The following RNF40 variants were observed in gnomAD, a reference collection of about 807,000 sequenced individuals.
RNF40 encodes the protein ring finger protein 40.
Under a neutral mutation model 123.3 loss-of-function variants are expected in RNF40, and 39 were observed. That is an observed-to-expected ratio of 0.32 (90% CI 0.24 to 0.41). The LOEUF (loss-of-function observed/expected upper bound fraction) is 0.41. Among genes scored for constraint, RNF40 ranks in the 10% least tolerant of loss-of-function variants. The probability of loss-of-function intolerance (pLI) is 1.00; values close to 1 mark genes in which losing one functional copy is unlikely to be tolerated. For synonymous variants in RNF40, 538 were observed against 526.0 expected (o/e 1.02, Z -0.31); for missense variants, 1,003 against 1,319.9 (o/e 0.76, Z 3.72).
chr16:30,766,428 A>C lies in RNF40; in HGVS notation c.1163A>C (p.Tyr388Ser), dbSNP rs202224486. Residue 388 changes from tyrosine (Y) to serine (S), a missense_variant, in exon 10 of 20, where the codon TAC (tyrosine) becomes TCC (serine). This residue lies in a region of RNF40 where 274 missense variants were observed against 356.9 expected (regional missense o/e 0.77). Coordinates refer to ENST00000324685, the MANE Select transcript of RNF40 (RefSeq NM_014771.4). This position sits in a 1 kb window ranked among gnomAD's most constrained non-coding sequence, Gnocchi z 5.4. ...PEEVVRETGE[Y>S]RMLQAQFSLL... is the part of the protein sequence containing the mutation. ...GAGGTAGTGCGGGAGACGGGGGAGT[A>C]CCGCATGCTGCAGGCCCAATTCTCA... 6.2e-7 allele frequency: 1 copy of C among 1,613,910 alleles called. No individual in the cohort carries two copies. Among genetic ancestry groups the C allele is most frequent in the African/African-American group, 1.3e-5 (1 of 75,024 alleles).
In RNF40 at chr16:30,766,090, ATGC is replaced by A; in HGVS notation, c.994-70_994-68del. 6.2e-7 allele frequency: 1 copy of A among 1,605,386 alleles called. No homozygotes were observed. Among genetic ancestry groups the A allele is most frequent in the Non-Finnish European group, 8.5e-7 (1 of 1,174,384 alleles). ...GCACGGGGTGCTTGGGGTGGAGTGT[ATGC>A]TGGGGATGTAAGGGAGGCCTGCTGC... On this transcript the variant is annotated intron_variant, in intron 8 of 19. Transcript: ENST00000324685. The surrounding 1 kb of genome is among the most constrained non-coding windows in gnomAD (Gnocchi z 5.4).
intron 4 of RNF40, 87 bp from the exon 5 acceptor site, chr16:30,764,092 A>T: frequency 2.0e-6 from 2 of 1,004,152 alleles, no homozygotes; most frequent in Non-Finnish European, 1.5e-6. Context: ...GTGAACCATG[A>T]GTATTGAAGG....
At chr16:30,767,832 A>C in intron 11 of RNF40, 62 bp from the exon 12 acceptor site, 4 of 1,608,282 alleles carry the variant, frequency 2.5e-6, no homozygotes, top group Non-Finnish European at 3.4e-6. Context: ...TACCCCACTG[A>C]GGGGTTGGAG....
chr16:30,766,532 C>T lies in RNF40; in HGVS notation c.1267C>T (p.His423Tyr), dbSNP rs1419163205. 2.5e-6 allele frequency: 4 copies of T among 1,611,958 alleles called. No individual in the cohort carries two copies. Among genetic ancestry groups the T allele is most frequent in the Non-Finnish European group, 3.4e-6 (4 of 1,179,012 alleles). Residue 423 changes from histidine (H) to tyrosine (Y), a missense_variant, in exon 10 of 20, where the codon CAC becomes TAC. Physicochemically the swap from His to Tyr is moderately conservative, Grantham distance 83 (BLOSUM62 2). Transcript: ENST00000324685. The surrounding 1 kb of genome is among the most constrained non-coding windows in gnomAD (Gnocchi z 5.4). ...CCTGCTGCTGGCCACAAAGAACTCC[C>T]ACCTGCGACACATCGAGCACATGGA... ...RGLLLATKNS[H>Y]LRHIEHMESD...
Position 30,774,935 on chromosome 16 carries a change from G to T in RNF40, c.*821G>T, listed in dbSNP as rs1032396237. On this transcript the variant is annotated 3_prime_UTR_variant, in exon 20 of 20. Transcript: ENST00000324685. ...AGTGGAGGTGGAACTTCCCAGGAGG[G>T]GAAGGGACAGACCAGCCCCAGCCGC... is the stretch of plus-strand genomic sequence containing the variant. The T allele has an allele frequency of 2.2e-6, 1 of 456,462 alleles. No individual in the cohort carries two copies. Among genetic ancestry groups the T allele is most frequent in the Non-Finnish European group, 4.4e-6 (1 of 226,772 alleles). 28.3% of individuals were successfully genotyped at this position (456,462 alleles called of 1,614,324 possible).
chr16:30,765,069 CG>C lies in RNF40; in HGVS notation c.771+15del. 6.2e-7 allele frequency: 1 copy of C among 1,613,564 alleles called. No individual in the cohort carries two copies. The highest frequency in any genetic ancestry group is 8.5e-7 in the Non-Finnish European group (1 of 1,179,650). ...CCGCATCTCATTGGAGGTGAGGAGC[CG>C]GGGGCTTTGGGGGTGTGATTAGAAT... is the stretch of plus-strand genomic sequence containing the variant. On this transcript the variant is annotated intron_variant, in intron 6 of 19. Coordinates refer to ENST00000324685, the MANE Select transcript of RNF40 (RefSeq NM_014771.4).
intron 19 of RNF40, chr16:30,772,395 A>G (rs2054164037): frequency 6.1e-6 from 4 of 652,660 alleles, no homozygotes; most frequent in South Asian, 4.9e-5. Flanking sequence ...TTGGGAGGCT[A>G]GGAACTGGCC....
upstream of RNF40, chr16:30,761,683 G>T: frequency 6.5e-7 from 1 of 1,535,804 alleles, no homozygotes; most frequent in Non-Finnish European, 8.7e-7. Context: ...GCCGCAGCTC[G>T]GAGAGATGTT....
chr16:30,769,144 C>T (rs957892898), intron 15 of RNF40, 42 bp from the exon 16 acceptor site: 2 of 1,605,976 alleles, frequency 1.2e-6, no homozygotes, highest in African/African-American at 2.7e-5. Context: ...GCCATCCTGT[C>T]CACTTCCCAC....
At position 30,768,406 on chromosome 16, in the gene RNF40, G is replaced by T. The variant is rs1196701947; in HGVS notation, c.1855G>T (p.Gly619Cys). The change falls in exon 13 of 20, where the codon GGT becomes TGT. Residue 619 changes from glycine to cysteine, a missense_variant. Around this residue, in one of 11 missense-constraint regions of RNF40, gnomAD observed 295 missense variants for 331.7 expected, o/e 0.89. Transcript: ENST00000324685. This position sits in a 1 kb window ranked among gnomAD's most constrained non-coding sequence, Gnocchi z 4.1. ...CAAGCGGGAGCTTCGGGAACGGGAAGGTCCCAGCCTAGGACCTCCACCTGT... is the reference window on the plus strand; with the variant it reads ...CAAGCGGGAGCTTCGGGAACGGGAATGTCCCAGCCTAGGACCTCCACCTGT... Reference protein sequence around the residue: ...RPKRELREREGPSLGPPPVAS... With the variant: ...RPKRELRERECPSLGPPPVAS... The T allele has an allele frequency of 6.2e-7, 1 of 1,613,700 alleles. No homozygotes were observed. Among genetic ancestry groups the T allele is most frequent in the Non-Finnish European group, 8.5e-7 (1 of 1,179,922 alleles).
chr16:30,769,641 C>A, intron 17 of RNF40, 41 bp downstream of exon 17: 1 of 1,482,424 alleles, frequency 6.7e-7, no homozygotes, highest in Non-Finnish European at 9.0e-7. Flanking sequence ...GGGCTGCTGG[C>A]TCACCTCCTC....
chr16:30,767,131 C>T (rs2054048397), intron 11 of RNF40, among the ~76,000 whole-genome samples: 1 of 152,234 alleles, frequency 6.6e-6, no homozygotes, highest in Non-Finnish European at 1.5e-5. Flanking sequence ...CTGATGACGT[C>T]TCTGTCTCTC....
intron 17 of RNF40, among the ~76,000 whole-genome samples, chr16:30,770,785 C>T (rs1407386957): frequency 6.6e-6 from 1 of 152,120 alleles, no homozygotes; most frequent in Non-Finnish European, 1.5e-5. Context: ...GGTCTCAGTT[C>T]ACTGCAACCT....
intron 8 of RNF40, among the ~76,000 whole-genome samples, chr16:30,765,866 T>G (rs2054020385): frequency 6.6e-6 from 1 of 151,930 alleles, no homozygotes; most frequent in Non-Finnish European, 1.5e-5. Context: ...TGAGTTGGAG[T>G]CAGTTGGCAT....
Position 30,768,350 on chromosome 16 carries a change from C to T in RNF40, c.1799C>T (p.Ser600Phe). Residue 600 changes from serine to phenylalanine, a missense_variant, in exon 13 of 20, where the codon TCC (serine) becomes TTC (phenylalanine). Physicochemically the swap from Ser to Phe is radical, Grantham distance 155. Coordinates refer to ENST00000324685, the MANE Select transcript of RNF40 (RefSeq NM_014771.4). The surrounding 1 kb of genome is among the most constrained non-coding windows in gnomAD (Gnocchi z 4.1). The part of the protein sequence containing the change: ...QGITPGAQGP[S>F]SRGREPEARP... The stretch of plus-strand genomic sequence containing the variant: ...ATAACCCCTGGGGCCCAGGGCCCTT[C>T]CTCCCGGGGCCGAGAACCTGAGGCC... 2 of 1,612,924 alleles carry T rather than the reference C, an allele frequency of 1.2e-6. No individual in the cohort carries two copies. The highest frequency in any genetic ancestry group is 1.7e-6 in the Non-Finnish European group (2 of 1,179,590).
chr16:30,766,955 A>G lies in RNF40; in HGVS notation c.1429+79A>G. On this transcript the variant is annotated intron_variant, in intron 11 of 19. Transcript: ENST00000324685. The surrounding 1 kb of genome is among the most constrained non-coding windows in gnomAD (Gnocchi z 5.4). ...TGGTGTGGGGCTGCTGCTTATCCAGATGCAAGAGGCTAAGGCCTTTTTTTT... is the reference window on the plus strand; with the variant it reads ...TGGTGTGGGGCTGCTGCTTATCCAGGTGCAAGAGGCTAAGGCCTTTTTTTT... The G allele has an allele frequency of 1.3e-6, 2 of 1,541,728 alleles. No individual in the cohort carries two copies. The highest frequency in any genetic ancestry group is 1.8e-6 in the Non-Finnish European group (2 of 1,139,970).
rs914924316 is a variant in RNF40 at position 30,774,856 on chromosome 16, G to T, written c.*742G>T. 2 of 426,896 alleles carry T rather than the reference G, an allele frequency of 4.7e-6. No individual in the cohort carries two copies. The highest frequency in any genetic ancestry group is 4.1e-5 in the African/African-American group (2 of 49,344). The allele number at this position is 426,896 out of a possible 1,614,324, so 26.4% of individuals were successfully genotyped here. A position where few individuals can be genotyped will look rare whatever the true frequency, so the allele number is the denominator to read the frequency against. ...TTACCCCCACCTCATGCATCCCAAGGCTCTACTGGGTCCCTGGACCTAACC... is the reference window on the plus strand; with the variant it reads ...TTACCCCCACCTCATGCATCCCAAGTCTCTACTGGGTCCCTGGACCTAACC... On this transcript the variant is annotated 3_prime_UTR_variant, in exon 20 of 20. Transcript: ENST00000324685.
At position 30,766,457 on chromosome 16, in the gene RNF40, C is replaced by G; in HGVS notation, c.1192C>G (p.Leu398Val). ...YRMLQAQFSL[L>V]YNESLQVKTQ... ...CATGCTGCAGGCCCAATTCTCACTG[C>G]TCTACAACGAGTCTCTGCAAGTGAA... The change falls in exon 10 of 20, where the codon CTC becomes GTC. Residue 398 changes from leucine (L) to valine (V), a missense_variant. Transcript: ENST00000324685. The surrounding 1 kb of genome is among the most constrained non-coding windows in gnomAD (Gnocchi z 5.4). 1 of 1,613,986 alleles carries G rather than the reference C, an allele frequency of 6.2e-7. No homozygotes were observed. Among genetic ancestry groups the G allele is most frequent in the South Asian group, 1.1e-5 (1 of 91,086 alleles).
intron 2 of RNF40, 147 bp downstream of exon 2, chr16:30,762,824 C>G: frequency 1.9e-6 from 2 of 1,035,010 alleles, no homozygotes; most frequent in East Asian, 2.5e-5. Flanking sequence ...GAAAGAAGCT[C>G]AGAACACGAC....
Sources: gnomAD v4.1 joint callset for allele counts (sites outside exome capture counted in the v4.1 genomes callset) on GRCh38, gnomAD v4.1.1 for gene constraint, gnomAD v4.1.1 regional missense constraint, Gnocchi (gnomAD v3.1) non-coding constraint, MANE v1.5 for transcripts, NCBI Gene and HGNC (gene_info 2026-07-23, HGNC 2026-07-21) for gene names.